Variants in ATP2B3 observed in about 807,000 individuals in gnomAD.
ATP2B3 encodes the protein ATPase plasma membrane Ca2+ transporting 3.
Under a neutral mutation model 70.8 loss-of-function variants are expected in ATP2B3, and 12 were observed. That is an observed-to-expected ratio of 0.17 (90% CI 0.11 to 0.27). The LOEUF (loss-of-function observed/expected upper bound fraction) is 0.27. ATP2B3 is among the 10% of genes least tolerant of loss of function. ATP2B3 has a pLI of 1.00. For missense variants in ATP2B3, 858 were observed against 1,118.5 expected, an observed-to-expected ratio of 0.77 and a Z score of 3.32; for synonymous variants, 460 against 497.8, an observed-to-expected ratio of 0.92 and a Z score of 1.01.
chrX:153,564,357 C>T (rs1015626333), intron 20 of ATP2B3, among the ~76,000 whole-genome samples: 1 of 113,064 alleles, frequency 8.8e-6, no homozygotes, highest in African/African-American at 3.2e-5. Flanking sequence ...CAGAGCCATG[C>T]TGTGGTCACG....
chrX:153,570,157 G>A (rs1414821535), intron 21 of ATP2B3, among the ~76,000 whole-genome samples: 3 of 112,731 alleles, frequency 2.7e-5, no homozygotes, highest in Non-Finnish European at 5.6e-5. Flanking sequence ...AGGGCAGCAC[G>A]CGGGCTCAGG....
At position 153,542,351 on chromosome X, in the gene ATP2B3, C is replaced by T. The variant is rs782273459; in HGVS notation, c.693C>T (p.Leu231=). The part of the protein sequence containing the change: ...YGDLLPADGV[L]IQANDLKIDE... ...ACCTGCTGCCAGCCGACGGCGTGCT[C>T]ATCCAGGCCAATGACCTCAAGATCG... The change falls in exon 6 of 22, where the codon CTC becomes CTT. Residue 231 remains leucine (L), a synonymous_variant. Transcript: ENST00000263519. The T allele has an allele frequency of 4.1e-6, 5 of 1,211,664 alleles. No homozygotes were observed. In the Admixed American group the frequency reaches 1.1e-4, roughly 26 times the overall value.
At chrX:153,571,003 T>TAC (rs879951205) in intron 21 of ATP2B3, among the ~76,000 whole-genome samples, 16,394 of 87,214 alleles carry the variant, frequency 0.19, 1,697 homozygotes, top group African/African-American at 0.34. Flanking sequence ...CGTGCGCGCG[T>TAC]ACACACACAC....
intron 18 of ATP2B3, among the ~76,000 whole-genome samples, chrX:153,560,402 G>T (rs782192805): frequency 1.8e-5 from 2 of 111,614 alleles, no homozygotes; most frequent in African/African-American, 3.3e-5. Context: ...GGAGGAGGGC[G>T]TCCGAGGAAA....
intron 10 of ATP2B3, 117 bp downstream of exon 10, chrX:153,548,971 G>A: frequency 1.3e-6 from 1 of 752,821 alleles, no homozygotes; most frequent in Non-Finnish European, 1.9e-6. Flanking sequence ...CAAGGGAGGA[G>A]AGGAGGTGCC....
At chrX:153,561,773 C>G (rs1241524975) in intron 19 of ATP2B3, among the ~76,000 whole-genome samples, 1 of 112,782 alleles carries the variant, frequency 8.9e-6, no homozygotes, top group African/African-American at 3.2e-5. Flanking sequence ...TTGGATGCCT[C>G]CCGAGGAGGC....
intron 17 of ATP2B3, 75 bp downstream of exon 17, chrX:153,558,378 G>T: frequency 1.2e-5 from 12 of 990,141 alleles, no homozygotes; most frequent in Non-Finnish European, 1.5e-5. Flanking sequence ...TGAGAGTGAG[G>T]GTTTTGTTTT....
chrX:153,531,593 G>A (rs2090119091), intron 2 of ATP2B3, among the ~76,000 whole-genome samples: 2 of 112,813 alleles, frequency 1.8e-5, no homozygotes, highest in Admixed American at 1.9e-4. Flanking sequence ...TCCACCTCCT[G>A]CCCTCTGCCC....
intron 21 of ATP2B3, among the ~76,000 whole-genome samples, chrX:153,575,986 G>A (rs782357198): frequency 8.9e-6 from 1 of 112,127 alleles, no homozygotes; most frequent in African/African-American, 3.2e-5. Flanking sequence ...ACCCGGATGA[G>A]ATGGGGAGTC....
intron 2 of ATP2B3, among the ~76,000 whole-genome samples, chrX:153,530,578 G>A (rs1442200132): frequency 9.8e-5 from 11 of 112,512 alleles, no homozygotes; most frequent in African/African-American, 2.6e-4. Context: ...ACCCGGCGCC[G>A]GACAGGCGGT....
chrX:153,558,445 T>C (rs782123770), intron 17 of ATP2B3, 142 bp downstream of exon 17: 1 of 621,742 alleles, frequency 1.6e-6, no homozygotes, highest in East Asian at 3.7e-5. Flanking sequence ...ATTCACCATT[T>C]TCAAGTACAT....
rs186944115 is a variant in ATP2B3 at position 153,582,432 on chromosome X, G to C, written c.*2134G>C. 1 of 112,693 alleles carries C rather than the reference G, an allele frequency of 8.9e-6. No individual in the cohort carries two copies. Among genetic ancestry groups the C allele is most frequent in the African/African-American group, 3.2e-5 (1 of 30,918 alleles). 9.3% of individuals were successfully genotyped at this position (112,693 alleles called of 1,213,427 possible). ...TGTTCTTCAATGAGAAATCAAATTT[G>C]AGACGTTGAAATTGGAGCTGCGTGC... On this transcript the variant is annotated 3_prime_UTR_variant, in exon 22 of 22. Transcript: ENST00000263519.
At chrX:153,552,914 G>A (rs1157022164) in intron 12 of ATP2B3, 121 bp from the exon 13 acceptor site, 17 of 524,563 alleles carry the variant, frequency 3.2e-5, no homozygotes, top group African/African-American at 1.2e-4. Flanking sequence ...GTTCTCACAC[G>A]GGGCACTCCT....
At chrX:153,574,682 C>T (rs1367327692) in intron 21 of ATP2B3, 1 of 293,798 alleles carries the variant, frequency 3.4e-6, no homozygotes, top group Non-Finnish European at 6.8e-6. Flanking sequence ...CTCGGTCCTT[C>T]GCTTGTCTCC....
At chrX:153,545,266 G>A (rs2090347668) in intron 7 of ATP2B3, among the ~76,000 whole-genome samples, 1 of 113,399 alleles carries the variant, frequency 8.8e-6, no homozygotes. Flanking sequence ...GCCTTGCAGG[G>A]CTGCTGTGTG....
chrX:153,577,453 T>C (rs930543422), intron 21 of ATP2B3, among the ~76,000 whole-genome samples: 1 of 112,576 alleles, frequency 8.9e-6, no homozygotes, highest in Admixed American at 9.3e-5. Context: ...TTGTCCTTTT[T>C]GTGACTTGAT....
chrX:153,535,887 C>T (rs148930758), intron 2 of ATP2B3, among the ~76,000 whole-genome samples: 5 of 112,746 alleles, frequency 4.4e-5, no homozygotes, highest in Admixed American at 3.7e-4. Context: ...TCCCCTCCCC[C>T]ACCTGGGCAA....
intron 13 of ATP2B3, among the ~76,000 whole-genome samples, chrX:153,553,789 G>A (rs1283444583): frequency 8.8e-6 from 1 of 113,405 alleles, no homozygotes; most frequent in Non-Finnish European, 1.9e-5. Context: ...CGTGGCAGAT[G>A]CCATGGCCTT....
chrX:153,570,100 T>C (rs1445571120), intron 21 of ATP2B3: 5 of 335,517 alleles, frequency 1.5e-5, no homozygotes, highest in Non-Finnish European at 2.5e-5. Flanking sequence ...TCTGGGGGTG[T>C]CTGGTGTCAG....
Sources: gnomAD v4.1 joint callset for allele counts (sites outside exome capture counted in the v4.1 genomes callset) on GRCh38, gnomAD v4.1.1 for gene constraint, MANE v1.5 for transcripts, NCBI Gene and HGNC (gene_info 2026-07-23, HGNC 2026-07-21) for gene names.